DNAJC3: variants seen among roughly 807,000 people sequenced by gnomAD.
The protein encoded by DNAJC3 is dnaJ homolog subfamily C member 3.
A neutral mutation model predicts 68.6 loss-of-function variants in DNAJC3; 38 were observed. The observed-to-expected ratio is 0.55, with a 90% CI of 0.43 to 0.73. The LOEUF is 0.73. DNAJC3 is among the 30% of genes least tolerant of loss of function. The pLI is 0.00. For synonymous variants in DNAJC3, 203 were observed against 204.0 expected (o/e 1.00, Z 0.04); for missense variants, 526 against 591.9 (o/e 0.89, Z 1.16).
rs767370853 is a variant in DNAJC3 at position 95,757,740 on chromosome 13, G to T, written c.490G>T (p.Ala164Ser). ...GCGTTTGCGTTCACAAGCACTTAACGCTTTTGGAAGTGGAGATTATACTGC... is the reference window on the plus strand; with the variant it reads ...GCGTTTGCGTTCACAAGCACTTAACTCTTTTGGAAGTGGAGATTATACTGC... ...MQRLRSQALN[A>S]FGSGDYTAAI... The change falls in exon 5 of 12, where the codon GCT becomes TCT. Residue 164 changes from alanine to serine, a missense_variant. Ala to Ser is a moderately conservative substitution (Grantham distance 99). Coordinates refer to ENST00000602402, the MANE Select transcript of DNAJC3 (RefSeq NM_006260.5). 4.8e-5 allele frequency: 75 copies of T among 1,575,498 alleles called. 1 individual carries two copies. In the South Asian group the frequency reaches 8.1e-4, roughly 17 times the overall value.
intron 4 of DNAJC3, among the ~76,000 whole-genome samples, chr13:95,754,689 C>T (rs771328060): frequency 2.0e-5 from 3 of 152,062 alleles, no homozygotes; most frequent in African/African-American, 4.8e-5. Flanking sequence ...AAAAATTAGC[C>T]GGGTTATTCT....
At chr13:95,731,010 A>T (rs1481888144) in intron 4 of DNAJC3, among the ~76,000 whole-genome samples, 2 of 152,074 alleles carry the variant, frequency 1.3e-5, no homozygotes, top group African/African-American at 4.8e-5. Flanking sequence ...TCTTTGTAGA[A>T]GTCTTCCAAT....
At chr13:95,731,240 A>C (rs1410335538) in intron 4 of DNAJC3, among the ~76,000 whole-genome samples, 1 of 152,176 alleles carries the variant, frequency 6.6e-6, no homozygotes, top group Non-Finnish European at 1.5e-5. Context: ...TCATCTGCAA[A>C]GTGGGACAAT....
At chr13:95,712,594 C>G (rs1881007859) in intron 2 of DNAJC3, among the ~76,000 whole-genome samples, 2 of 152,054 alleles carry the variant, frequency 1.3e-5, no homozygotes, top group African/African-American at 2.4e-5. Flanking sequence ...CCAGGCTGGT[C>G]TTGAACTTCC....
chr13:95,738,193 T>G (rs1402102283), intron 4 of DNAJC3, among the ~76,000 whole-genome samples: 1 of 149,230 alleles, frequency 6.7e-6, no homozygotes, highest in African/African-American at 2.5e-5. Flanking sequence ...AGAGATAGTT[T>G]GTTATAATTT....
intron 9 of DNAJC3, among the ~76,000 whole-genome samples, chr13:95,785,536 C>T (rs1295989240): frequency 7.4e-6 from 1 of 136,030 alleles, no homozygotes; most frequent in East Asian, 2.2e-4. Context: ...TCGGCCACTG[C>T]AAACCTCCGC....
chr13:95,677,215 G>T lies in DNAJC3; in HGVS notation c.-41G>T, dbSNP rs566982803. 3.3e-5 allele frequency: 52 copies of T among 1,579,204 alleles called. No individual in the cohort carries two copies. The South Asian group carries it at 5.8e-4, about 18-fold the overall frequency. On this transcript the variant is annotated 5_prime_UTR_variant, in exon 1 of 12. Coordinates refer to ENST00000602402, the MANE Select transcript of DNAJC3 (RefSeq NM_006260.5). ...CCGGAGCGCCGGCGCGTGCTGGTGG[G>T]CCACACACCTTTCCTCCTCTTCACT...
At chr13:95,700,965 C>G (rs1233590598) in intron 1 of DNAJC3, among the ~76,000 whole-genome samples, 1 of 152,144 alleles carries the variant, frequency 6.6e-6, no homozygotes, top group Non-Finnish European at 1.5e-5. Context: ...AGCTGAAATA[C>G]TAGACATTTT....
At chr13:95,783,612 T>C (rs1378738225) in intron 9 of DNAJC3, among the ~76,000 whole-genome samples, 1 of 152,230 alleles carries the variant, frequency 6.6e-6, no homozygotes, top group Non-Finnish European at 1.5e-5. Context: ...AATGTAATGA[T>C]GCACTGATGC....
intron 1 of DNAJC3, chr13:95,693,981 T>G (rs967294815): frequency 3.3e-5 from 5 of 152,180 alleles, no homozygotes; most frequent in Non-Finnish European, 7.3e-5. Flanking sequence ...TTATCTACTC[T>G]ATTACCCCAA....
At chr13:95,677,432 C>T (rs1879788206) in intron 1 of DNAJC3, 95 bp downstream of exon 1, 6 of 1,325,752 alleles carry the variant, frequency 4.5e-6, no homozygotes, top group East Asian at 2.9e-5. Context: ...CGGAGCGGCT[C>T]GGGAGGTGGG....
At chr13:95,678,963 G>A (rs894930177) in intron 1 of DNAJC3, among the ~76,000 whole-genome samples, 1 of 152,080 alleles carries the variant, frequency 6.6e-6, no homozygotes, top group African/African-American at 2.4e-5. Flanking sequence ...GTGTAAAATA[G>A]CAGGGACTTA....
At chr13:95,723,597 G>C (rs145747059) in intron 3 of DNAJC3, among the ~76,000 whole-genome samples, 2 of 152,080 alleles carry the variant, frequency 1.3e-5, no homozygotes, top group Non-Finnish European at 2.9e-5. Context: ...TGGCAGTGAT[G>C]TCAGCTTTGT....
intron 1 of DNAJC3, chr13:95,694,519 T>C (rs1027924259): frequency 6.6e-6 from 1 of 152,576 alleles, no homozygotes; most frequent in Non-Finnish European, 1.5e-5. Flanking sequence ...CTTGTAACCA[T>C]GACTAATGAT....
At chr13:95,760,375 C>G (rs1443073954) in intron 6 of DNAJC3, among the ~76,000 whole-genome samples, 154 bp downstream of exon 6, 1 of 151,734 alleles carries the variant, frequency 6.6e-6, no homozygotes, top group East Asian at 1.9e-4. Flanking sequence ...TGTGTTATTC[C>G]CAAGTTACTT....
intron 4 of DNAJC3, among the ~76,000 whole-genome samples, chr13:95,731,417 A>G (rs1881704440): frequency 6.6e-6 from 1 of 152,118 alleles, no homozygotes; most frequent in South Asian, 2.1e-4. Context: ...CCCATTCACT[A>G]TGATGTTAAC....
At chr13:95,759,931 A>G (rs929487856) in intron 5 of DNAJC3, 109 bp from the exon 6 acceptor site, 13 of 1,128,992 alleles carry the variant, frequency 1.2e-5, no homozygotes, top group East Asian at 5.1e-5. Flanking sequence ...CATCACATCA[A>G]TTGAGAATGT....
intron 3 of DNAJC3, 111 bp downstream of exon 3, chr13:95,723,477 G>A (rs1162013678): frequency 8.1e-7 from 1 of 1,235,212 alleles, no homozygotes; most frequent in East Asian, 2.4e-5. Flanking sequence ...AGAGATCAAA[G>A]CTACAGTGAT....
intron 1 of DNAJC3, among the ~76,000 whole-genome samples, chr13:95,704,851 GTTTTT>G (rs1193979630): frequency 2.0e-5 from 2 of 97,856 alleles, no homozygotes; most frequent in Admixed American, 1.0e-4. Flanking sequence ...GTGTGTGTGT[GTTTTT>G]TTTTTTTTTT....
Sources: gnomAD v4.1 joint callset for allele counts (sites outside exome capture counted in the v4.1 genomes callset) on GRCh38, gnomAD v4.1.1 for gene constraint, MANE v1.5 for transcripts, NCBI Gene and HGNC (gene_info 2026-07-23, HGNC 2026-07-21) for gene names.